ZMYM4: variants seen among roughly 807,000 people sequenced by gnomAD.
ZMYM4 encodes zinc finger MYM-type containing 4, also known as zinc finger MYM-type protein 4.
A neutral mutation model predicts 183.2 loss-of-function variants in ZMYM4; 31 were observed. The observed-to-expected ratio is 0.17, with a 90% CI of 0.13 to 0.23. The LOEUF (loss-of-function observed/expected upper bound fraction) is 0.23, where lower values mean the gene tolerates loss of function less well. Among genes scored for constraint, ZMYM4 ranks in the 10% least tolerant of loss-of-function variants. ZMYM4 has a pLI of 1.00. For synonymous variants in ZMYM4, 592 were observed against 631.2 expected, an observed-to-expected ratio of 0.94 and a Z score of 0.93; for missense variants, 1,273 against 1,840.3, an observed-to-expected ratio of 0.69 and a Z score of 5.64.
chr1:35,293,832 C>T (rs1437258423), intron 1 of ZMYM4, among the ~76,000 whole-genome samples: 1 of 152,012 alleles, frequency 6.6e-6, no homozygotes. Flanking sequence ...CTTTTTTAGC[C>T]TTCCATTCTG....
At position 35,381,405 on chromosome 1, in the gene ZMYM4, A is replaced by G. The variant is rs1312805494; in HGVS notation, c.1328A>G (p.Lys443Arg). The part of the protein sequence containing the change: ...VTINTNSIST[K>R]CSMCQKNAVI... Reference sequence around the variant, plus strand: ...ATAAATACAAATAGTATTTCAACCAAATGCAGCATGTGTCAGAAGAATGCT... The same window carrying G: ...ATAAATACAAATAGTATTTCAACCAGATGCAGCATGTGTCAGAAGAATGCT... The change falls in exon 8 of 30, where the codon AAA becomes AGA. Residue 443 changes from lysine (K) to arginine (R), a missense_variant. Coordinates refer to ENST00000314607, the MANE Select transcript of ZMYM4 (RefSeq NM_005095.3). 1.9e-6 allele frequency: 3 copies of G among 1,609,554 alleles called. No homozygotes were observed. Among genetic ancestry groups the G allele is most frequent in the Non-Finnish European group, 2.5e-6 (3 of 1,177,026 alleles).
In ZMYM4 at chr1:35,394,162, C is replaced by CTTTTTTTT. The variant is rs34277367; in HGVS notation, c.2911+446_2911+453dup. On this transcript the variant is annotated intron_variant, in intron 18 of 29. Coordinates refer to ENST00000314607, the MANE Select transcript of ZMYM4 (RefSeq NM_005095.3). ...CCTTTGAGGAGAGCTTCAGAGCTTT[C>CTTTTTTTT]TTTTTTTTTTTTTTTTTTTTTTTTT... is the stretch of plus-strand genomic sequence containing the variant. 5.2e-3 allele frequency among the ~76,000 whole-genome samples: 359 copies of CTTTTTTTT among 68,420 alleles called. 56 individuals are homozygous for CTTTTTTTT. The East Asian group carries it at 0.058, about 11-fold the overall frequency. The allele number at this position is 68,420 out of a possible 152,430, so 44.9% of individuals were successfully genotyped here. A position where few individuals can be genotyped will look rare whatever the true frequency, so the allele number is the denominator to read the frequency against.
At chr1:35,326,759 T>G (rs1642520676) in intron 2 of ZMYM4, among the ~76,000 whole-genome samples, 1 of 152,284 alleles carries the variant, frequency 6.6e-6, no homozygotes, top group Non-Finnish European at 1.5e-5. Context: ...GTGCACATCT[T>G]TGGGATGTGG....
At position 35,359,631 on chromosome 1, in the gene ZMYM4, G is replaced by A. The variant is rs907310477; in HGVS notation, c.607+185G>A. ...TTTCTCCCAGTAACTTTTGGTAATGGTATAAATGGTTGAAAATAGCTCTAA... is the reference window on the plus strand; with the variant it reads ...TTTCTCCCAGTAACTTTTGGTAATGATATAAATGGTTGAAAATAGCTCTAA... On this transcript the variant is annotated intron_variant, in intron 3 of 29. Transcript: ENST00000314607. Among the ~76,000 whole-genome samples, 5 of 152,012 alleles carry A rather than the reference G, an allele frequency of 3.3e-5. No individual in the cohort carries two copies. In the South Asian group the frequency reaches 6.2e-4, roughly 19 times the overall value.
intron 20 of ZMYM4, among the ~76,000 whole-genome samples, chr1:35,397,923 A>G (rs1644837860): frequency 6.6e-6 from 1 of 152,222 alleles, no homozygotes; most frequent in African/African-American, 2.4e-5. Context: ...CATTTGGCTC[A>G]AAATAACTGA....
chr1:35,281,060 G>A (rs529689237), intron 1 of ZMYM4, among the ~76,000 whole-genome samples: 159 of 152,180 alleles, frequency 1.0e-3, no homozygotes, highest in Middle Eastern at 6.8e-3. Flanking sequence ...CACTGCGGGC[G>A]GAACACGAGG....
At chr1:35,346,111 A>G (rs1176069786) in intron 2 of ZMYM4, among the ~76,000 whole-genome samples, 1 of 152,154 alleles carries the variant, frequency 6.6e-6, no homozygotes, top group Admixed American at 6.6e-5. Context: ...ATGTGTCAGA[A>G]TTCCTTTCTT....
At chr1:35,394,162 CT>C (rs34277367) in intron 18 of ZMYM4, among the ~76,000 whole-genome samples, 887 of 68,370 alleles carry the variant, frequency 0.013, 1 homozygote, top group African/African-American at 0.017. Context: ...TCAGAGCTTT[CT>C]TTTTTTTTTT....
chr1:35,345,182 C>G (rs369408203), intron 2 of ZMYM4, among the ~76,000 whole-genome samples: 1 of 152,158 alleles, frequency 6.6e-6, no homozygotes, highest in East Asian at 1.9e-4. Context: ...GGCCTCTTGG[C>G]TAAGATCAAG....
At chr1:35,418,649 A>G in intron 29 of ZMYM4, 77 bp downstream of exon 29, 1 of 1,562,610 alleles carries the variant, frequency 6.4e-7, no homozygotes, top group African/African-American at 1.4e-5. Context: ...CTTGAACATC[A>G]GAAAAGTAGC....
intron 2 of ZMYM4, chr1:35,351,377 G>A: frequency 1.3e-6 from 2 of 1,576,514 alleles, no homozygotes; most frequent in Non-Finnish European, 1.7e-6. Flanking sequence ...ATGCTTACAA[G>A]AAACAGTTCT....
intron 18 of ZMYM4, among the ~76,000 whole-genome samples, chr1:35,396,133 C>T (rs1283989120): frequency 6.6e-6 from 1 of 152,002 alleles, no homozygotes; most frequent in Non-Finnish European, 1.5e-5. Flanking sequence ...TTTTTGATGT[C>T]ATTTTCATCA....
intron 10 of ZMYM4, 47 bp downstream of exon 10, chr1:35,385,639 T>C: frequency 1.3e-6 from 2 of 1,542,428 alleles, no homozygotes; most frequent in East Asian, 4.7e-5. Context: ...TGAAAAATAA[T>C]GGTTATTGCT....
chr1:35,270,653 G>C (rs558772522), intron 1 of ZMYM4, among the ~76,000 whole-genome samples: 1 of 152,050 alleles, frequency 6.6e-6, no homozygotes, highest in East Asian at 1.9e-4. Flanking sequence ...CCAGCTATTC[G>C]GGAGGCTGAG....
At chr1:35,352,609 G>C (rs1643669764) in intron 2 of ZMYM4, among the ~76,000 whole-genome samples, 3 of 152,182 alleles carry the variant, frequency 2.0e-5, no homozygotes, top group African/African-American at 7.2e-5. Flanking sequence ...TCTCAAGTTA[G>C]AAGTTAAGTT....
intron 1 of ZMYM4, among the ~76,000 whole-genome samples, chr1:35,307,757 A>T (rs572646574): frequency 2.0e-5 from 3 of 151,676 alleles, no homozygotes; most frequent in African/African-American, 7.3e-5. Context: ...GATGGTCTCG[A>T]TCTCCTGACC....
intron 2 of ZMYM4, among the ~76,000 whole-genome samples, chr1:35,339,006 C>T (rs1431273874): frequency 6.6e-6 from 1 of 151,842 alleles, no homozygotes; most frequent in Non-Finnish European, 1.5e-5. Flanking sequence ...ATATTTTAAC[C>T]CCCATTTTAT....
intron 5 of ZMYM4, among the ~76,000 whole-genome samples, chr1:35,369,692 A>G (rs1179275210): frequency 2.0e-5 from 3 of 152,066 alleles, no homozygotes; most frequent in East Asian, 1.9e-4. Flanking sequence ...TTATTTATCT[A>G]AATTTTCTAT....
At chr1:35,384,918 G>A (rs531010788) in intron 9 of ZMYM4, among the ~76,000 whole-genome samples, 2 of 143,688 alleles carry the variant, frequency 1.4e-5, no homozygotes, top group South Asian at 4.3e-4. Flanking sequence ...ATCTCAGCTC[G>A]CTGCAAGCTC....
Sources: allele counts gnomAD v4.1 joint callset (sites outside exome capture counted in the v4.1 genomes callset), GRCh38; gene constraint gnomAD v4.1.1; transcripts MANE v1.5; gene names NCBI Gene and HGNC (gene_info 2026-07-23, HGNC 2026-07-21).